TNIK: variants seen among roughly 807,000 people sequenced by gnomAD.
The protein encoded by TNIK is TRAF2 and NCK-interacting protein kinase.
A neutral mutation model predicts 191.3 loss-of-function variants in TNIK; 49 were observed. The ratio of observed to expected loss-of-function variants is 0.26; its 90% CI spans 0.20 to 0.32. The LOEUF is 0.32. Among genes scored for constraint, TNIK ranks in the 10% least tolerant of loss-of-function variants. The probability of loss-of-function intolerance (pLI) is 1.00; values close to 1 mark genes in which losing one functional copy is unlikely to be tolerated. For synonymous variants in TNIK, 594 were observed against 600.9 expected (o/e 0.99, Z 0.17); for missense variants, 1,155 against 1,702.3 (o/e 0.68, Z 5.66).
intron 1 of TNIK, among the ~76,000 whole-genome samples, chr3:171,439,213 G>A (rs990484371): frequency 1.3e-5 from 2 of 151,828 alleles, no homozygotes; most frequent in African/African-American, 2.4e-5. Context: ...GCATGGTGGT[G>A]GATGCCTATA....
chr3:171,130,627 T>C (rs1379949840), intron 15 of TNIK, among the ~76,000 whole-genome samples: 1 of 152,230 alleles, frequency 6.6e-6, no homozygotes, highest in Admixed American at 6.5e-5. Flanking sequence ...GATCAAGGCA[T>C]GCAATATATC....
chr3:171,417,941 G>A (rs781085519), intron 1 of TNIK, among the ~76,000 whole-genome samples: 8 of 152,156 alleles, frequency 5.3e-5, no homozygotes, highest in East Asian at 1.9e-4. Flanking sequence ...GCCTCATTCC[G>A]AAGAACTGCT....
intron 11 of TNIK, among the ~76,000 whole-genome samples, chr3:171,158,021 A>G (rs569454155): frequency 1.1e-4 from 16 of 152,200 alleles, no homozygotes; most frequent in Non-Finnish European, 2.4e-4. Flanking sequence ...CATGAGCCCC[A>G]GACTGGATTA....
intron 2 of TNIK, among the ~76,000 whole-genome samples, chr3:171,249,193 CAT>C (rs1745956464): frequency 6.6e-6 from 1 of 152,128 alleles, no homozygotes; most frequent in Non-Finnish European, 1.5e-5. Flanking sequence ...TCTCATAAAA[CAT>C]AAATTTCAGC....
intron 1 of TNIK, among the ~76,000 whole-genome samples, chr3:171,423,675 G>A (rs1029986346): frequency 6.6e-6 from 1 of 152,078 alleles, no homozygotes; most frequent in African/African-American, 2.4e-5. Context: ...CAGAAATAAT[G>A]CCACATATCT....
chr3:171,206,929 A>G (rs919899743), intron 4 of TNIK, among the ~76,000 whole-genome samples: 2 of 152,170 alleles, frequency 1.3e-5, no homozygotes, highest in Non-Finnish European at 1.5e-5. Context: ...CCATCTCACA[A>G]AATGAATGAA....
chr3:171,277,175 T>G (rs374555603), intron 2 of TNIK, among the ~76,000 whole-genome samples: 52 of 152,320 alleles, frequency 3.4e-4, no homozygotes, highest in East Asian at 2.3e-3. Flanking sequence ...CATGTTATGA[T>G]GCAGCAAGAA....
intron 13 of TNIK, 125 bp downstream of exon 13, chr3:171,140,274 G>A: frequency 1.3e-6 from 1 of 744,906 alleles, no homozygotes; most frequent in South Asian, 2.0e-5. Flanking sequence ...GAGCATAATT[G>A]CTTGAGGAAG....
At chr3:171,231,322 T>TG (rs1560294706) in intron 2 of TNIK, among the ~76,000 whole-genome samples, 2 of 152,012 alleles carry the variant, frequency 1.3e-5, no homozygotes, top group African/African-American at 4.8e-5. Flanking sequence ...GTTTTGTTTT[T>TG]TTTTTTGTTT....
At chr3:171,396,139 A>T (rs1321165803) in intron 1 of TNIK, among the ~76,000 whole-genome samples, 1 of 149,682 alleles carries the variant, frequency 6.7e-6, no homozygotes, top group African/African-American at 2.4e-5. Context: ...AACCCTAAGC[A>T]ATCAGTCATC....
intron 22 of TNIK, among the ~76,000 whole-genome samples, chr3:171,097,766 A>G (rs1314836629): frequency 6.6e-6 from 1 of 152,204 alleles, no homozygotes; most frequent in Non-Finnish European, 1.5e-5. Context: ...TCTTCATAGC[A>G]GTACGAAAAT....
chr3:171,319,595 C>A (rs752689749), intron 2 of TNIK, among the ~76,000 whole-genome samples: 10 of 151,956 alleles, frequency 6.6e-5, no homozygotes, highest in Non-Finnish European at 4.4e-5. Context: ...ACTGGCTGAC[C>A]CGACAGACAA....
chr3:171,386,938 C>G (rs1718812865), intron 1 of TNIK, among the ~76,000 whole-genome samples: 1 of 152,232 alleles, frequency 6.6e-6, no homozygotes, highest in East Asian at 1.9e-4. Flanking sequence ...ATTGTCTTAC[C>G]TTTCAGCAAT....
At chr3:171,170,848 C>T (rs146765604) in intron 9 of TNIK, among the ~76,000 whole-genome samples, 49 of 152,098 alleles carry the variant, frequency 3.2e-4, no homozygotes, top group African/African-American at 9.6e-4. Context: ...GCCAGGAGTT[C>T]GAGACCAGCC....
rs141180003 is a variant in TNIK, at chr3:171,318,513, T to A, written c.123+51107A>T. 2.0e-3 allele frequency among the ~76,000 whole-genome samples: 311 copies of A among 152,282 alleles called. 2 individuals carry two copies. Among genetic ancestry groups the A allele is most frequent in the African/African-American group, 7.1e-3 (294 of 41,570 alleles). ...TATTGTATACATAATCTAGCTCTTA[T>A]AAGGAAATATTGTAAACCTGTTTAA... is the stretch of plus-strand genomic sequence containing the variant. On this transcript the variant is annotated intron_variant, in intron 2 of 32. Transcript: ENST00000436636.
intron 2 of TNIK, among the ~76,000 whole-genome samples, chr3:171,291,275 A>C (rs576710065): frequency 3.9e-5 from 6 of 152,298 alleles, no homozygotes; most frequent in African/African-American, 1.4e-4. Context: ...ATTGTAAATA[A>C]ATTGAGAGGC....
At chr3:171,342,050 A>C (rs1757586847) in intron 2 of TNIK, among the ~76,000 whole-genome samples, 1 of 152,250 alleles carries the variant, frequency 6.6e-6, no homozygotes, top group South Asian at 2.1e-4. Context: ...GGAACAACAT[A>C]TAATAATTTA....
At chr3:171,208,313 C>T (rs978659807) in intron 4 of TNIK, among the ~76,000 whole-genome samples, 4 of 151,572 alleles carry the variant, frequency 2.6e-5, no homozygotes, top group African/African-American at 7.3e-5. Context: ...AGAGCAAGAC[C>T]CTGTCTCTAA....
intron 2 of TNIK, among the ~76,000 whole-genome samples, chr3:171,286,741 T>C (rs1751051133): frequency 6.6e-6 from 1 of 152,238 alleles, no homozygotes. Context: ...TTGTTCTCAA[T>C]CAACATTACC....
Sources: allele counts gnomAD v4.1 joint callset (sites outside exome capture counted in the v4.1 genomes callset), GRCh38; gene constraint gnomAD v4.1.1; transcripts MANE v1.5; gene names NCBI Gene and HGNC (gene_info 2026-07-23, HGNC 2026-07-21).